The following ARHGAP42 variants were observed in gnomAD, a reference collection of about 807,000 sequenced individuals.
ARHGAP42 encodes the protein rho GTPase-activating protein 42.
In ARHGAP42, 63 loss-of-function variants were observed where a neutral mutation model predicts 125.0. That is an observed-to-expected ratio of 0.50 (90% CI 0.41 to 0.62). The LOEUF (loss-of-function observed/expected upper bound fraction) is 0.62. Ranked by LOEUF, ARHGAP42 falls within the 20% of genes least tolerant of loss-of-function variation. The pLI is 0.00. For synonymous variants in ARHGAP42, 339 were observed against 351.0 expected (o/e 0.97, Z 0.38); for missense variants, 766 against 1,024.2 (o/e 0.75, Z 3.44).
chr11:100,963,025 G>A (rs1452506415), intron 16 of ARHGAP42, among the ~76,000 whole-genome samples: 1 of 152,212 alleles, frequency 6.6e-6, no homozygotes, highest in Non-Finnish European at 1.5e-5. Context: ...AAAGAACCAT[G>A]AGGAATTATT....
At chr11:100,737,182 A>G (rs765050574) in intron 1 of ARHGAP42, among the ~76,000 whole-genome samples, 32 of 152,318 alleles carry the variant, frequency 2.1e-4, no homozygotes, top group South Asian at 2.1e-4. Flanking sequence ...GTGAATGTGA[A>G]CTAGCTTTTG....
intron 4 of ARHGAP42, among the ~76,000 whole-genome samples, chr11:100,911,023 C>T (rs1866897796): frequency 6.6e-6 from 1 of 152,114 alleles, no homozygotes; most frequent in Admixed American, 6.5e-5. Context: ...GTGTTGTCAC[C>T]ACAGCTGTGC....
rs750829605 is a variant in ARHGAP42 at position 100,992,418 on chromosome 11, G to C, written c.*3617G>C. On this transcript the variant is annotated 3_prime_UTR_variant, in exon 24 of 24. Transcript: ENST00000298815. ...GAAGTTACTTTCCCCTTGACTAAAGGTTTCCCCTTAGGGTACACATTGCTA... is the reference window on the plus strand; with the variant it reads ...GAAGTTACTTTCCCCTTGACTAAAGCTTTCCCCTTAGGGTACACATTGCTA... 3 of 1,613,908 alleles carry C rather than the reference G, an allele frequency of 1.9e-6. No individual in the cohort carries two copies. The African/African-American group carries it at 4.0e-5, about 22-fold the overall frequency.
At chr11:100,856,323 C>G (rs1865321633) in intron 3 of ARHGAP42, among the ~76,000 whole-genome samples, 1 of 152,054 alleles carries the variant, frequency 6.6e-6, no homozygotes, top group Non-Finnish European at 1.5e-5. Flanking sequence ...CTCTTTTAAT[C>G]CTACCAAAAT....
chr11:100,868,037 TC>T (rs529076415), intron 4 of ARHGAP42, among the ~76,000 whole-genome samples: 65 of 152,240 alleles, frequency 4.3e-4, no homozygotes, highest in Non-Finnish European at 7.6e-4. Flanking sequence ...CCCAGAACAA[TC>T]ACAATAGTGG....
chr11:100,781,943 T>G (rs537671610), intron 2 of ARHGAP42, among the ~76,000 whole-genome samples: 60 of 151,904 alleles, frequency 3.9e-4, no homozygotes, highest in African/African-American at 1.3e-3. Context: ...ATTTTTTTTT[T>G]TTTTTGTGCA....
intron 16 of ARHGAP42, among the ~76,000 whole-genome samples, chr11:100,964,054 A>G (rs1858025909): frequency 6.6e-6 from 1 of 151,932 alleles, no homozygotes; most frequent in African/African-American, 2.4e-5. Flanking sequence ...TCTTATATAT[A>G]AGAACTCATC....
chr11:100,789,392 C>T (rs551146172), intron 2 of ARHGAP42, among the ~76,000 whole-genome samples: 14 of 152,154 alleles, frequency 9.2e-5, no homozygotes, highest in South Asian at 4.2e-4. Flanking sequence ...AGCTGAGGAC[C>T]GAGGGGAGTG....
chr11:100,779,552 A>ATACATACGTATATATATACG, intron 2 of ARHGAP42, among the ~76,000 whole-genome samples: 143 of 87,224 alleles, frequency 1.6e-3, no homozygotes, highest in South Asian at 3.0e-3. Context: ...ATATATATAC[A>ATACATACGTATATATATACG]TATACATACG....
intron 1 of ARHGAP42, among the ~76,000 whole-genome samples, chr11:100,757,873 G>C (rs142111093): frequency 1.3e-5 from 2 of 152,248 alleles, no homozygotes; most frequent in East Asian, 3.9e-4. Context: ...GAAGGATGAG[G>C]CATGATGCCA....
At chr11:100,837,663 ATCCTTTTTTTTT>A (rs1864826683) in intron 3 of ARHGAP42, among the ~76,000 whole-genome samples, 2 of 35,414 alleles carry the variant, frequency 5.6e-5, no homozygotes, top group Non-Finnish European at 1.3e-4. Context: ...TCTAGGTGTC[ATCCTTTTTTTTT>A]TTTTTTTTTT....
At chr11:100,830,228 T>C (rs1344054106) in intron 3 of ARHGAP42, among the ~76,000 whole-genome samples, 1 of 152,208 alleles carries the variant, frequency 6.6e-6, no homozygotes, top group Non-Finnish European at 1.5e-5. Flanking sequence ...ACGAGACTTA[T>C]ACTGAATGCT....
At chr11:100,711,072 T>A (rs1363104661) in intron 1 of ARHGAP42, among the ~76,000 whole-genome samples, 2 of 152,218 alleles carry the variant, frequency 1.3e-5, no homozygotes, top group Non-Finnish European at 2.9e-5. Context: ...AATGGTTATG[T>A]TGAGTTTGTG....
chr11:100,954,512 A>T (rs1857750828), intron 12 of ARHGAP42, among the ~76,000 whole-genome samples: 1 of 152,144 alleles, frequency 6.6e-6, no homozygotes, highest in African/African-American at 2.4e-5. Context: ...CCGTGTATCT[A>T]TTCTCCACAG....
At chr11:100,901,528 T>C (rs1362187615) in intron 4 of ARHGAP42, among the ~76,000 whole-genome samples, 1 of 152,198 alleles carries the variant, frequency 6.6e-6, no homozygotes, top group Non-Finnish European at 1.5e-5. Context: ...ATGTGGAGTC[T>C]ATGGAGGCAG....
At chr11:100,721,094 A>G (rs892358354) in intron 1 of ARHGAP42, among the ~76,000 whole-genome samples, 2 of 152,210 alleles carry the variant, frequency 1.3e-5, no homozygotes, top group African/African-American at 4.8e-5. Flanking sequence ...AAATGAACCA[A>G]TATTGATACA....
intron 1 of ARHGAP42, among the ~76,000 whole-genome samples, chr11:100,735,863 G>A (rs949992876): frequency 2.6e-5 from 4 of 152,128 alleles, no homozygotes; most frequent in Admixed American, 1.3e-4. Context: ...CCATCCACCC[G>A]CCTCAGCCTC....
chr11:100,906,794 A>T (rs1247491684), intron 4 of ARHGAP42, among the ~76,000 whole-genome samples: 2 of 152,002 alleles, frequency 1.3e-5, no homozygotes, highest in Admixed American at 6.6e-5. Flanking sequence ...ATTTGTTTTA[A>T]ATTTTTCTAC....
chr11:100,966,529 CT>C (rs576059151), intron 17 of ARHGAP42, among the ~76,000 whole-genome samples: 1 of 152,124 alleles, frequency 6.6e-6, no homozygotes, highest in South Asian at 2.1e-4. Context: ...CTTTTAAGAT[CT>C]TCAACTGATT....
Sources: allele counts gnomAD v4.1 joint callset (sites outside exome capture counted in the v4.1 genomes callset), GRCh38; gene constraint gnomAD v4.1.1; transcripts MANE v1.5; gene names NCBI Gene and HGNC (gene_info 2026-07-23, HGNC 2026-07-21).